The following GSE1 variants were observed in gnomAD, a reference collection of about 807,000 sequenced individuals.
GSE1 encodes the protein genetic suppressor element 1.
In GSE1, 32 loss-of-function variants were observed where a neutral mutation model predicts 112.6. The observed-to-expected ratio is 0.28, with a 90% CI of 0.21 to 0.38. GSE1 has a LOEUF of 0.38. Ranked by LOEUF, GSE1 falls within the 10% of genes least tolerant of loss-of-function variation. The pLI is 1.00. For missense variants in GSE1, 2,348 were observed against 1,699.2 expected, an observed-to-expected ratio of 1.38 and a Z score of -6.71; for synonymous variants, 1,115 against 735.6, an observed-to-expected ratio of 1.52 and a Z score of -8.35.
In GSE1 at chr16:85,654,514, G is replaced by T. The variant is rs770342488; in HGVS notation, c.599+64G>T. On this transcript the variant is annotated intron_variant, in intron 4 of 15. Coordinates refer to ENST00000253458, the MANE Select transcript of GSE1 (RefSeq NM_014615.5). ...TGGGGACACAGTGCTCAGGGTCTGG[G>T]TCCCCAGGCAGCCTGCGGTCTGCAC... The T allele has an allele frequency of 1.3e-4, 180 of 1,404,618 alleles. No homozygotes were observed. The highest frequency in any genetic ancestry group is 2.7e-4 in the Admixed American group (13 of 48,050). 87.0% of individuals were successfully genotyped at this position (1,404,618 alleles called of 1,614,324 possible). A position where few individuals can be genotyped will look rare whatever the true frequency, so the allele number is the denominator to read the frequency against.
chr16:85,331,537 GTATATGTGTGTATATA>G (rs2046359187), intron 1 of GSE1, among the ~76,000 whole-genome samples: 1 of 118,206 alleles, frequency 8.5e-6, no homozygotes, highest in Admixed American at 9.4e-5. Flanking sequence ...GTGTATATGT[GTATATGTGTGTATATA>G]TGTGTATATG....
intron 2 of GSE1, among the ~76,000 whole-genome samples, chr16:85,501,280 G>T (rs2051358340): frequency 6.6e-6 from 1 of 152,006 alleles, no homozygotes; most frequent in South Asian, 2.1e-4. Context: ...GGGATTACAG[G>T]CGTGAGCCAC....
At chr16:85,634,689 C>T (rs1012516156) in intron 2 of GSE1, among the ~76,000 whole-genome samples, 1 of 152,178 alleles carries the variant, frequency 6.6e-6, no homozygotes, top group African/African-American at 2.4e-5. Context: ...GCCTTGGCTT[C>T]TGGTATCACC....
intron 1 of GSE1, among the ~76,000 whole-genome samples, chr16:85,293,977 C>G (rs1465406154): frequency 6.6e-6 from 1 of 152,220 alleles, no homozygotes; most frequent in Non-Finnish European, 1.5e-5. Context: ...GCAATGCCAA[C>G]CCAGCATGAT....
At chr16:85,383,856 G>T (rs991974619) in intron 2 of GSE1, among the ~76,000 whole-genome samples, 1 of 152,202 alleles carries the variant, frequency 6.6e-6, no homozygotes, top group Admixed American at 6.5e-5. Flanking sequence ...ACAGAGCTTG[G>T]GGTCAGAGTG....
chr16:85,294,622 T>TCC (rs2045312158), intron 1 of GSE1, among the ~76,000 whole-genome samples: 1 of 39,924 alleles, frequency 2.5e-5, no homozygotes, highest in South Asian at 7.8e-4. Flanking sequence ...TCTCACTCTC[T>TCC]CTCTCTCTCT....
intron 1 of GSE1, among the ~76,000 whole-genome samples, chr16:85,560,125 C>CT (rs2045441100): frequency 3.0e-5 from 3 of 100,632 alleles, no homozygotes; most frequent in East Asian, 3.1e-4. Flanking sequence ...TTTTCTTCTT[C>CT]TTCTTTTTTT....
intron 1 of GSE1, among the ~76,000 whole-genome samples, chr16:85,630,552 C>G (rs954590610): frequency 1.3e-5 from 2 of 152,214 alleles, no homozygotes; most frequent in African/African-American, 2.4e-5. Context: ...CCTGGCCTCA[C>G]GCAGTCCTCC....
At chr16:85,472,605 C>T (rs1285866906) in intron 2 of GSE1, among the ~76,000 whole-genome samples, 1 of 152,238 alleles carries the variant, frequency 6.6e-6, no homozygotes, top group East Asian at 1.9e-4. Context: ...AGGCATAGCG[C>T]AGCCCGGCAC....
At chr16:85,346,445 G>T (rs1026722707) in intron 1 of GSE1, among the ~76,000 whole-genome samples, 1 of 141,608 alleles carries the variant, frequency 7.1e-6, no homozygotes, top group Non-Finnish European at 1.5e-5. Context: ...TGGTGGATGA[G>T]TGGATGGATG....
At chr16:85,544,490 A>G (rs2044629313) in intron 2 of GSE1, among the ~76,000 whole-genome samples, 1 of 151,998 alleles carries the variant, frequency 6.6e-6, no homozygotes, top group Non-Finnish European at 1.5e-5. Context: ...GCTGGGGCTG[A>G]CTCCAGATTT....
At chr16:85,647,366 CGTG>C (rs2050962046) in intron 2 of GSE1, among the ~76,000 whole-genome samples, 1 of 152,206 alleles carries the variant, frequency 6.6e-6, no homozygotes, top group African/African-American at 2.4e-5. Flanking sequence ...CGGGGTAGGT[CGTG>C]GTGGTGGTTG....
At chr16:85,586,776 C>T (rs945066581) in intron 1 of GSE1, among the ~76,000 whole-genome samples, 5 of 152,234 alleles carry the variant, frequency 3.3e-5, no homozygotes, top group Non-Finnish European at 5.9e-5. Context: ...CAGGAAACCC[C>T]GGAGCCGGTG....
intron 1 of GSE1, among the ~76,000 whole-genome samples, chr16:85,267,576 C>A (rs1009057828): frequency 2.6e-5 from 4 of 152,158 alleles, no homozygotes; most frequent in African/African-American, 9.7e-5. Context: ...AGCTGCTCTC[C>A]CCCAGCACCT....
intron 2 of GSE1, among the ~76,000 whole-genome samples, chr16:85,509,825 GGAA>G (rs144093958): frequency 0.018 from 2,667 of 152,292 alleles, 82 homozygotes; most frequent in African/African-American, 0.057. Flanking sequence ...AGAGACTGCA[GGAA>G]CCTTGGAGGT....
At chr16:85,622,173 A>C (rs541826667) in intron 1 of GSE1, among the ~76,000 whole-genome samples, 2 of 152,276 alleles carry the variant, frequency 1.3e-5, no homozygotes, top group African/African-American at 4.8e-5. Flanking sequence ...GGGTTGGATG[A>C]GGGAGTCCAG....
intron 1 of GSE1, among the ~76,000 whole-genome samples, chr16:85,279,562 C>T (rs896172035): frequency 6.6e-6 from 1 of 152,196 alleles, no homozygotes; most frequent in Admixed American, 6.5e-5. Flanking sequence ...CACCACTGCA[C>T]TCCAGCCTGG....
rs564272210 is a variant in GSE1 at position 85,627,044 on chromosome 16, C to CTTTTTTTTTTTTTTTTTTTTTTTTTTTTT, written c.8-6866_8-6838dup. ...GGACTTTGCTTCCTTTTCTTCTTGC[C>CTTTTTTTTTTTTTTTTTTTTTTTTTTTTT]TTTTTTTTTTTTTTTTTTTTTTTTT... On this transcript the variant is annotated intron_variant, in intron 1 of 15. Transcript: ENST00000253458. Among the ~76,000 whole-genome samples the CTTTTTTTTTTTTTTTTTTTTTTTTTTTTT allele has an allele frequency of 1.2e-3, 30 of 25,070 alleles. 8 individuals carry two copies. Among genetic ancestry groups the CTTTTTTTTTTTTTTTTTTTTTTTTTTTTT allele is most frequent in the East Asian group, 1.8e-3 (1 of 554 alleles). The allele number at this position is 25,070 out of a possible 152,430, so 16.4% of individuals were successfully genotyped here. A position where few individuals can be genotyped will look rare whatever the true frequency, so the allele number is the denominator to read the frequency against.
intron 1 of GSE1, among the ~76,000 whole-genome samples, chr16:85,337,890 C>G (rs928400681): frequency 2.0e-5 from 3 of 152,250 alleles, no homozygotes; most frequent in African/African-American, 7.2e-5. Flanking sequence ...AACCACTGGC[C>G]AAAGCCTCCG....
Sources: allele counts gnomAD v4.1 joint callset (sites outside exome capture counted in the v4.1 genomes callset), GRCh38; gene constraint gnomAD v4.1.1; transcripts MANE v1.5; gene names NCBI Gene and HGNC (gene_info 2026-07-23, HGNC 2026-07-21).